Variants in HIVEP2 observed in about 807,000 individuals in gnomAD.
HIVEP2 encodes HIVEP zinc finger 2.
In HIVEP2, 14 loss-of-function variants were observed where a neutral mutation model predicts 180.7. The observed-to-expected ratio is 0.08, with a 90% confidence interval of 0.05 to 0.12. The LOEUF (loss-of-function observed/expected upper bound fraction) is 0.12. Ranked by LOEUF, HIVEP2 falls within the 10% of genes least tolerant of loss-of-function variation. The probability of loss-of-function intolerance (pLI) is 1.00; values close to 1 mark genes in which losing one functional copy is unlikely to be tolerated. For synonymous variants in HIVEP2, 1,184 were observed against 1,136.4 expected (o/e 1.04, Z -0.84); for missense variants, 2,579 against 3,008.5 (o/e 0.86, Z 3.34).
intron 9 of HIVEP2, among the ~76,000 whole-genome samples, chr6:142,756,441 C>A (rs906056946): frequency 6.6e-6 from 1 of 152,138 alleles, no homozygotes; most frequent in African/African-American, 2.4e-5. Flanking sequence ...CACGTTCTTT[C>A]AGGAACAAAA....
chr6:142,796,438 T>C (rs1256583218), intron 2 of HIVEP2, among the ~76,000 whole-genome samples: 1 of 152,184 alleles, frequency 6.6e-6, no homozygotes, highest in Non-Finnish European at 1.5e-5. Flanking sequence ...GTCTGTATTA[T>C]ATACTGTATT....
At chr6:142,876,767 A>G (rs1776449681) in intron 1 of HIVEP2, among the ~76,000 whole-genome samples, 1 of 152,292 alleles carries the variant, frequency 6.6e-6, no homozygotes, top group Middle Eastern at 3.4e-3. Flanking sequence ...TCACATCTGT[A>G]ATCCCAGCAC....
In HIVEP2 at chr6:142,830,783, T is replaced by G. The variant is rs577001687; in HGVS notation, c.-528+6152A>C. ...CTCATGTTTTCTATTAAAAGTGATA[T>G]TCAAACTCCAAAGCTCAAAGCCTGG... On this transcript the variant is annotated intron_variant, in intron 2 of 9. Coordinates refer to ENST00000367603, the MANE Select transcript of HIVEP2 (RefSeq NM_006734.4). 6.8e-4 allele frequency among the ~76,000 whole-genome samples: 104 copies of G among 152,254 alleles called. 1 individual carries two copies. The highest frequency in any genetic ancestry group is 2.4e-3 in the African/African-American group (99 of 41,540).
At position 142,760,289 on chromosome 6, in the gene HIVEP2, C is replaced by T. The variant is rs1387359049; in HGVS notation, c.5999G>A (p.Arg2000Lys). 5 of 1,614,018 alleles carry T rather than the reference C, an allele frequency of 3.1e-6. No individual in the cohort carries two copies. Among genetic ancestry groups the T allele is most frequent in the Non-Finnish European group, 4.2e-6 (5 of 1,179,990 alleles). The change falls in exon 9 of 10, where the codon AGG becomes AAG. Residue 2000 changes from arginine to lysine, a missense_variant. This residue lies in a region of HIVEP2 where 660 missense variants were observed against 731.7 expected (regional missense o/e 0.90). Coordinates refer to ENST00000367603, the MANE Select transcript of HIVEP2 (RefSeq NM_006734.4). ...GTCCGTACTTTTGCTCTGGAATAGC[C>T]TCTGGTATTCTGTCATCTGGGTATC... ...CEDTQMTEYQ[R>K]LFQSKSTDSE...
chr6:142,797,991 A>C (rs541299268), intron 2 of HIVEP2, among the ~76,000 whole-genome samples: 2 of 152,168 alleles, frequency 1.3e-5, no homozygotes, highest in South Asian at 4.1e-4. Flanking sequence ...AATAATTCTG[A>C]CTTGGGCTTC....
chr6:142,869,682 C>T (rs557914019), intron 1 of HIVEP2, among the ~76,000 whole-genome samples: 142 of 151,908 alleles, frequency 9.3e-4, no homozygotes, highest in Non-Finnish European at 1.7e-3. Flanking sequence ...AAAAGTGTAT[C>T]GCCACTTTTA....
At chr6:142,800,836 C>T (rs962643547) in intron 2 of HIVEP2, among the ~76,000 whole-genome samples, 13 of 152,210 alleles carry the variant, frequency 8.5e-5, no homozygotes, top group Non-Finnish European at 2.9e-5. Flanking sequence ...CTAATCCAAA[C>T]GGCTCAGAAA....
intron 2 of HIVEP2, among the ~76,000 whole-genome samples, chr6:142,794,242 A>T (rs549008715): frequency 6.6e-6 from 1 of 152,232 alleles, no homozygotes; most frequent in East Asian, 1.9e-4. Flanking sequence ...TTTCTTTCCC[A>T]TTGTCTCATA....
At chr6:142,923,241 G>C (rs947567931) in intron 1 of HIVEP2, among the ~76,000 whole-genome samples, 10 of 151,802 alleles carry the variant, frequency 6.6e-5, no homozygotes, top group Non-Finnish European at 1.2e-4. Context: ...CTGAGGTAGG[G>C]AATTGCTTGA....
At chr6:142,851,153 A>T (rs1252898220) in intron 1 of HIVEP2, among the ~76,000 whole-genome samples, 1 of 152,250 alleles carries the variant, frequency 6.6e-6, no homozygotes, top group East Asian at 1.9e-4. Context: ...GTGAGAAGGA[A>T]AAGCAACAAC....
chr6:142,822,889 C>T (rs1562251523), intron 2 of HIVEP2, among the ~76,000 whole-genome samples: 1 of 152,200 alleles, frequency 6.6e-6, no homozygotes, highest in South Asian at 2.1e-4. Context: ...TCAAGCCCTA[C>T]CAGCCTACAG....
At chr6:142,807,230 G>A (rs1454034938) in intron 2 of HIVEP2, among the ~76,000 whole-genome samples, 1 of 152,156 alleles carries the variant, frequency 6.6e-6, no homozygotes, top group Non-Finnish European at 1.5e-5. Flanking sequence ...CCTAGGAACT[G>A]TAAGACTGGA....
intron 1 of HIVEP2, among the ~76,000 whole-genome samples, chr6:142,902,926 A>C (rs1455093382): frequency 2.6e-5 from 4 of 152,218 alleles, no homozygotes; most frequent in Non-Finnish European, 4.4e-5. Context: ...ATTTGTGATG[A>C]AACAGGATGT....
At chr6:142,788,210 T>C (rs1368105930) in intron 2 of HIVEP2, 7 of 152,174 alleles carry the variant, frequency 4.6e-5, no homozygotes, top group Admixed American at 3.9e-4. Context: ...TAATGTTAAA[T>C]GACGAGTTAA....
chr6:142,824,662 G>C (rs1774817523), intron 2 of HIVEP2, among the ~76,000 whole-genome samples: 1 of 152,166 alleles, frequency 6.6e-6, no homozygotes, highest in African/African-American at 2.4e-5. Context: ...CAAAGTTTAT[G>C]CCTAATACCT....
chr6:142,867,099 C>T (rs140660542), intron 1 of HIVEP2, among the ~76,000 whole-genome samples: 8 of 152,142 alleles, frequency 5.3e-5, no homozygotes, highest in African/African-American at 1.4e-4. Context: ...AATAATTGGA[C>T]GTGTGTGTTA....
intron 1 of HIVEP2, among the ~76,000 whole-genome samples, chr6:142,893,147 C>T (rs960115017): frequency 1.4e-4 from 21 of 152,160 alleles, no homozygotes; most frequent in African/African-American, 3.9e-4. Flanking sequence ...GTCACAAACA[C>T]CCAGGTTTGT....
At position 142,785,309 on chromosome 6, in the gene HIVEP2, C is replaced by CAAAAAAAAAAAAAAAAAAAA. The variant is rs57458259; in HGVS notation, c.-527-1714_-527-1695dup. Among the ~76,000 whole-genome samples, 6 of 65,392 alleles carry CAAAAAAAAAAAAAAAAAAAA rather than the reference C, an allele frequency of 9.2e-5. 1 individual carries two copies. Among genetic ancestry groups the CAAAAAAAAAAAAAAAAAAAA allele is most frequent in the African/African-American group, 1.5e-4 (3 of 20,548 alleles). The allele number at this position is 65,392 out of a possible 152,430, so 42.9% of individuals were successfully genotyped here. The stretch of plus-strand genomic sequence containing the variant: ...GGCTAAAGTAAAGCATGGCATTCCT[C>CAAAAAAAAAAAAAAAAAAAA]AAAAAAAAAAAAAAAAAAAAAAAAA... On this transcript the variant is annotated intron_variant, in intron 2 of 9. Coordinates refer to ENST00000367603, the MANE Select transcript of HIVEP2 (RefSeq NM_006734.4).
Position 142,769,607 on chromosome 6 carries a change from T to C in HIVEP2, c.5132A>G (p.His1711Arg), listed in dbSNP as rs751091645. Residue 1711 changes from histidine (H) to arginine (R), a missense_variant, in exon 5 of 10, where the codon CAT (histidine) becomes CGT (arginine). Around this residue, in one of 11 missense-constraint regions of HIVEP2, gnomAD observed 349 missense variants for 367.2 expected, o/e 0.95. Coordinates refer to ENST00000367603, the MANE Select transcript of HIVEP2 (RefSeq NM_006734.4). Reference sequence around the variant, plus strand: ...TGTAAGCTTGCCGGTTCCAGGCCTATGCATAGCAGCCAGAGTATAAATTTC... The same window carrying C: ...TGTAAGCTTGCCGGTTCCAGGCCTACGCATAGCAGCCAGAGTATAAATTTC... ...TAEIYTLAAM[H>R]RPGTGKLTSS... The C allele has an allele frequency of 1.2e-6, 2 of 1,614,212 alleles. No homozygotes were observed. The highest frequency in any genetic ancestry group is 1.7e-5 in the Admixed American group (1 of 60,032).
Sources: allele counts gnomAD v4.1 joint callset (sites outside exome capture counted in the v4.1 genomes callset), GRCh38; gene constraint gnomAD v4.1.1; regional missense constraint gnomAD v4.1.1; transcripts MANE v1.5; gene names NCBI Gene and HGNC (gene_info 2026-07-23, HGNC 2026-07-21).